FRMPD4: variants seen among roughly 807,000 people sequenced by gnomAD.
FRMPD4 encodes FERM and PDZ domain-containing protein 4.
A neutral mutation model predicts 94.1 loss-of-function variants in FRMPD4; 22 were observed. The ratio of observed to expected loss-of-function variants is 0.23; its 90% CI spans 0.17 to 0.33. FRMPD4 has a LOEUF of 0.33. Among genes scored for constraint, FRMPD4 ranks in the 10% least tolerant of loss-of-function variants. The pLI is 1.00. For synonymous variants in FRMPD4, 631 were observed against 548.6 expected, an observed-to-expected ratio of 1.15 and a Z score of -2.10; for missense variants, 1,111 against 1,339.9, an observed-to-expected ratio of 0.83 and a Z score of 2.67.
chrX:11,993,038 C>A (rs2054473951), intron 3 of FRMPD4, among the ~76,000 whole-genome samples: 1 of 102,951 alleles, frequency 9.7e-6, no homozygotes, highest in Non-Finnish European at 2.0e-5. Context: ...TGATACAATT[C>A]CTCCATTTAA....
chrX:12,583,512 C>G, intron 2 of FRMPD4: 2 of 1,104,694 alleles, frequency 1.8e-6, no homozygotes, highest in Non-Finnish European at 2.5e-6. Context: ...TTCTACGTGC[C>G]GGGAGCGTTC....
chrX:12,357,773 A>G (rs1433576135), intron 1 of FRMPD4, among the ~76,000 whole-genome samples: 1 of 112,233 alleles, frequency 8.9e-6, no homozygotes. Flanking sequence ...ATTAAGGTAT[A>G]ATTTATGTAC....
At chrX:12,675,592 A>G (rs763302087) in intron 5 of FRMPD4, among the ~76,000 whole-genome samples, 1 of 111,337 alleles carries the variant, frequency 9.0e-6, no homozygotes, top group South Asian at 3.8e-4. Context: ...CCCTGTTCCC[A>G]TTTACAATTA....
intron 3 of FRMPD4, among the ~76,000 whole-genome samples, chrX:11,947,947 G>A (rs771991691): frequency 1.6e-3 from 178 of 108,393 alleles, no homozygotes; most frequent in African/African-American, 5.8e-3. Flanking sequence ...AAAATTAGCC[G>A]GGCATGGTGG....
intron 1 of FRMPD4, among the ~76,000 whole-genome samples, chrX:12,263,375 G>C (rs965645511): frequency 9.0e-5 from 10 of 111,606 alleles, no homozygotes; most frequent in Non-Finnish European, 1.3e-4. Context: ...GGCTGGACTG[G>C]AGTGAGTGTT....
intron 1 of FRMPD4, among the ~76,000 whole-genome samples, chrX:12,142,803 T>C (rs183637480): frequency 0.049 from 5,490 of 111,471 alleles, 203 homozygotes; most frequent in African/African-American, 0.12. Flanking sequence ...CTCTCTCTTA[T>C]TGTCTGGGGC....
intron 2 of FRMPD4, among the ~76,000 whole-genome samples, chrX:12,534,063 T>A (rs950522898): frequency 2.7e-5 from 3 of 112,679 alleles, no homozygotes; most frequent in Non-Finnish European, 5.6e-5. Flanking sequence ...GGCCCAGGGT[T>A]CCCGTGCTGT....
Position 11,847,719 on chromosome X carries a change from A to C in FRMPD4, c.-160-17367A>C, listed in dbSNP as rs199922523. The stretch of plus-strand genomic sequence containing the variant: ...ATGTAGCCATAAAAAATGATGAGCT[A>C]ATGTCCTTTGTAGGGACATGGATGA... On this transcript the variant is annotated intron_variant, in intron 1 of 18. Transcript: ENST00000640291. Among the ~76,000 whole-genome samples the C allele has an allele frequency of 7.7e-4, 85 of 109,912 alleles. No homozygotes were observed. In the Middle Eastern group the frequency reaches 0.014, roughly 18 times the overall value.
chrX:12,112,334 G>A (rs373749957), intron 3 of FRMPD4, among the ~76,000 whole-genome samples: 16 of 110,861 alleles, frequency 1.4e-4, no homozygotes, highest in East Asian at 2.8e-4. Context: ...ACCAAACACC[G>A]CATGTTCTCA....
chrX:12,692,406 G>T (rs750878363), intron 8 of FRMPD4, among the ~76,000 whole-genome samples: 7 of 112,158 alleles, frequency 6.2e-5, no homozygotes, highest in Non-Finnish European at 9.4e-5. Context: ...TAAAATATTT[G>T]TAGGCATGAT....
intron 3 of FRMPD4, among the ~76,000 whole-genome samples, chrX:11,919,173 G>A (rs2054041775): frequency 8.9e-6 from 1 of 111,957 alleles, no homozygotes; most frequent in Non-Finnish European, 1.9e-5. Context: ...ATACTTAGTG[G>A]CATCCCCAGC....
intron 1 of FRMPD4, among the ~76,000 whole-genome samples, chrX:12,241,950 GGGAGGA>G (rs57148678): frequency 0.43 from 43,684 of 100,593 alleles, 7,627 homozygotes; most frequent in Non-Finnish European, 0.51. Context: ...GAAGGGGAAG[GGGAGGA>G]GGAGGAGGAG....
intron 7 of FRMPD4, 108 bp downstream of exon 7, chrX:12,686,312 G>T (rs1197528291): frequency 2.3e-6 from 1 of 440,206 alleles, no homozygotes; most frequent in African/African-American, 2.5e-5. Flanking sequence ...CTTTATTTCT[G>T]CAGTTTTGTT....
At position 12,616,855 on chromosome X, in the gene FRMPD4, G is replaced by C. The variant is rs192181293; in HGVS notation, c.422+1974G>C. Among the ~76,000 whole-genome samples, 3 of 111,698 alleles carry C rather than the reference G, an allele frequency of 2.7e-5. No homozygotes were observed. In the Admixed American group the frequency reaches 2.8e-4, roughly 11 times the overall value. On this transcript the variant is annotated intron_variant, in intron 4 of 16. Coordinates refer to ENST00000675598, the MANE Select transcript of FRMPD4 (RefSeq NM_001368397.1). The stretch of plus-strand genomic sequence containing the variant: ...GGATGTTTTGTTTTCCCCTAGGTGC[G>C]CACCTCTGTGATTAGTCCTATTGAT...
intron 1 of FRMPD4, among the ~76,000 whole-genome samples, chrX:11,856,109 G>A (rs1327228880): frequency 9.0e-6 from 1 of 111,505 alleles, no homozygotes; most frequent in Admixed American, 9.6e-5. Context: ...AGTGAAAGGG[G>A]AAGCCGCTTA....
chrX:12,583,858 C>T (rs1266132088), intron 2 of FRMPD4, among the ~76,000 whole-genome samples: 2 of 111,796 alleles, frequency 1.8e-5, no homozygotes, highest in Admixed American at 9.4e-5. Context: ...AGGGAACAAC[C>T]GGTGGGGCCT....
intron 3 of FRMPD4, among the ~76,000 whole-genome samples, chrX:11,947,070 A>G (rs1424748973): frequency 1.8e-5 from 2 of 110,500 alleles, no homozygotes; most frequent in Non-Finnish European, 3.8e-5. Context: ...TGACTAATAC[A>G]CTCTTACAGC....
At chrX:11,866,541 A>G (rs1398603235) in intron 2 of FRMPD4, among the ~76,000 whole-genome samples, 1 of 112,009 alleles carries the variant, frequency 8.9e-6, no homozygotes, top group Non-Finnish European at 1.9e-5. Context: ...TTGTTCACAT[A>G]TCACCTCGGT....
At chrX:12,493,785 T>C (rs2057816512) in intron 1 of FRMPD4, among the ~76,000 whole-genome samples, 1 of 112,087 alleles carries the variant, frequency 8.9e-6, no homozygotes, top group Non-Finnish European at 1.9e-5. Flanking sequence ...AGCAGTTATA[T>C]CCTTAGAAAT....
Sources: gnomAD v4.1 joint callset for allele counts (sites outside exome capture counted in the v4.1 genomes callset) on GRCh38, gnomAD v4.1.1 for gene constraint, MANE v1.5 for transcripts, NCBI Gene and HGNC (gene_info 2026-07-23, HGNC 2026-07-21) for gene names.